The following ARSB variants were observed in gnomAD, a reference collection of about 807,000 sequenced individuals.
ARSB encodes arylsulfatase B, also known as N-acetylgalactosamine-4-sulfatase.
ARSB carries 41 observed loss-of-function variants against 50.9 expected under a neutral mutation model. That is an observed-to-expected ratio of 0.81 (90% confidence interval 0.63 to 1.04). The LOEUF is 1.04. Ranked by LOEUF, ARSB falls within the 50% of genes least tolerant of loss-of-function variation. The probability of loss-of-function intolerance (pLI) is 0.00; values close to 1 mark genes in which losing one functional copy is unlikely to be tolerated. For missense variants in ARSB, 672 were observed against 693.3 expected, an observed-to-expected ratio of 0.97 and a Z score of 0.35; for synonymous variants, 269 against 284.8, an observed-to-expected ratio of 0.94 and a Z score of 0.56.
chr5:78,909,980 C>T (rs1561495959), intron 4 of ARSB, among the ~76,000 whole-genome samples: 11 of 152,234 alleles, frequency 7.2e-5, no homozygotes, highest in Admixed American at 7.2e-4. Flanking sequence ...AGCAATGCTG[C>T]TCTGCTACTC....
chr5:78,864,431 C>T (rs1358816154), intron 5 of ARSB, among the ~76,000 whole-genome samples: 1 of 152,180 alleles, frequency 6.6e-6, no homozygotes, highest in Non-Finnish European at 1.5e-5. Flanking sequence ...ACCACGAGAA[C>T]AGTATGGAGG....
intron 6 of ARSB, among the ~76,000 whole-genome samples, chr5:78,831,495 A>G (rs956255116): frequency 6.6e-6 from 1 of 152,142 alleles, no homozygotes; most frequent in African/African-American, 2.4e-5. Flanking sequence ...CCTCCTTTAA[A>G]TGAGTCATGT....
chr5:78,831,520 AT>A (rs1744684755), intron 6 of ARSB, among the ~76,000 whole-genome samples: 1 of 152,090 alleles, frequency 6.6e-6, no homozygotes, highest in Admixed American at 6.6e-5. Flanking sequence ...TCAACATGCT[AT>A]TATATAGGTG....
intron 1 of ARSB, among the ~76,000 whole-genome samples, chr5:78,972,171 C>G (rs1248316713): frequency 6.6e-6 from 1 of 152,042 alleles, no homozygotes; most frequent in African/African-American, 2.4e-5. Flanking sequence ...AGTGCATGGC[C>G]TCACCTGACA....
intron 6 of ARSB, among the ~76,000 whole-genome samples, chr5:78,790,113 G>A (rs1749196418): frequency 2.0e-5 from 3 of 152,186 alleles, no homozygotes; most frequent in Non-Finnish European, 2.9e-5. Context: ...AAGACCTACT[G>A]TTGTGACCCT....
intron 5 of ARSB, among the ~76,000 whole-genome samples, chr5:78,868,017 A>G (rs1250485992): frequency 7.5e-6 from 1 of 133,270 alleles, no homozygotes; most frequent in Non-Finnish European, 1.6e-5. Context: ...TGAAGAATGC[A>G]GAAGCCTCAG....
At position 78,885,903 on chromosome 5, in the gene ARSB, A is replaced by G. The variant is rs1480847513; in HGVS notation, c.899-76T>C. 6 of 1,603,526 alleles carry G rather than the reference A, an allele frequency of 3.7e-6. No individual in the cohort carries two copies. In the East Asian group the frequency reaches 6.7e-5, roughly 18 times the overall value. On this transcript the variant is annotated intron_variant, in intron 4 of 7. Transcript: ENST00000264914. ...ATTTAAGAACAGAGACTGTATGTAC[A>G]TTGTTACTAAATGGTGCTTAAATAA... is the stretch of plus-strand genomic sequence containing the variant.
chr5:78,852,949 T>G (rs947674261), intron 5 of ARSB, among the ~76,000 whole-genome samples: 1 of 152,216 alleles, frequency 6.6e-6, no homozygotes, highest in Non-Finnish European at 1.5e-5. Context: ...ATTCTAGTTA[T>G]ACATTCGTCT....
At chr5:78,803,495 A>G (rs531044784) in intron 6 of ARSB, among the ~76,000 whole-genome samples, 1 of 152,306 alleles carries the variant, frequency 6.6e-6, no homozygotes, top group East Asian at 1.9e-4. Context: ...GTCCTGGCAA[A>G]GCTAAGTGTG....
intron 6 of ARSB, among the ~76,000 whole-genome samples, chr5:78,823,457 C>G (rs1215914657): frequency 1.3e-5 from 2 of 152,194 alleles, no homozygotes; most frequent in Non-Finnish European, 2.9e-5. Context: ...TGGGGTTTGC[C>G]TATACCCATC....
intron 6 of ARSB, among the ~76,000 whole-genome samples, chr5:78,819,731 T>C (rs1271480892): frequency 5.3e-5 from 8 of 152,296 alleles, no homozygotes; most frequent in Non-Finnish European, 1.2e-4. Context: ...GCTCAGGAGA[T>C]GGCAGAGCCA....
At chr5:78,909,892 A>G (rs548939696) in intron 4 of ARSB, among the ~76,000 whole-genome samples, 89 of 152,256 alleles carry the variant, frequency 5.8e-4, no homozygotes, top group African/African-American at 2.1e-3. Flanking sequence ...ATGTCTCGGT[A>G]TAAAACCCGA....
At chr5:78,934,191 A>G (rs1323799102) in intron 4 of ARSB, among the ~76,000 whole-genome samples, 1 of 152,204 alleles carries the variant, frequency 6.6e-6, no homozygotes, top group Non-Finnish European at 1.5e-5. Context: ...CTGGAACATC[A>G]ATAATGGTGA....
chr5:78,928,868 GC>G (rs1668674600), intron 4 of ARSB, among the ~76,000 whole-genome samples: 1 of 152,108 alleles, frequency 6.6e-6, no homozygotes, highest in South Asian at 2.1e-4. Context: ...AGGAAGATGT[GC>G]CCCATTTCTC....
intron 6 of ARSB, among the ~76,000 whole-genome samples, chr5:78,820,992 A>AG (rs397724538): frequency 1.3e-5 from 2 of 151,698 alleles, no homozygotes; most frequent in South Asian, 2.1e-4. Context: ...AAAAAAAAAA[A>AG]GTATTGTACA....
intron 2 of ARSB, 151 bp from the exon 3 acceptor site, chr5:78,964,757 A>G (rs961635279): frequency 3.0e-5 from 23 of 777,504 alleles, no homozygotes; most frequent in African/African-American, 2.6e-4. Context: ...CAACATGTCT[A>G]TATCTGGTGG....
intron 4 of ARSB, among the ~76,000 whole-genome samples, chr5:78,894,505 G>A (rs915238871): frequency 6.6e-6 from 1 of 152,150 alleles, no homozygotes; most frequent in Non-Finnish European, 1.5e-5. Context: ...TTTCCTCAGA[G>A]TTCTCTGAAG....
chr5:78,815,829 T>G, intron 6 of ARSB: 1 of 1,330,704 alleles, frequency 7.5e-7, no homozygotes, highest in Admixed American at 3.1e-5. Flanking sequence ...TGAATTCTCA[T>G]CTTCAAAGAT....
chr5:78,982,820 A>G (rs1447789488), intron 1 of ARSB, among the ~76,000 whole-genome samples: 2 of 152,182 alleles, frequency 1.3e-5, no homozygotes, highest in Non-Finnish European at 2.9e-5. Context: ...CTAAGAGAAT[A>G]AAGTGGGTGA....
Sources: gnomAD v4.1 joint callset for allele counts (sites outside exome capture counted in the v4.1 genomes callset) on GRCh38, gnomAD v4.1.1 for gene constraint, MANE v1.5 for transcripts, NCBI Gene and HGNC (gene_info 2026-07-23, HGNC 2026-07-21) for gene names.